PLB1: variants seen among roughly 807,000 people sequenced by gnomAD.
PLB1 encodes the protein phospholipase B1.
A neutral mutation model predicts 227.4 loss-of-function variants in PLB1; 242 were observed. The observed-to-expected ratio is 1.06, with a 90% CI of 0.96 to 1.18. The LOEUF is 1.18. Ranked by LOEUF, PLB1 falls within the 50% of genes most tolerant of loss-of-function variation. The pLI, the probability that PLB1 is intolerant of heterozygous loss-of-function variation, is 0.00. For synonymous variants in PLB1, 757 were observed against 682.2 expected, an observed-to-expected ratio of 1.11 and a Z score of -1.71; for missense variants, 1,858 against 1,816.3, an observed-to-expected ratio of 1.02 and a Z score of -0.42.
At chr2:28,591,018 G>A in intron 29 of PLB1, 115 bp from the exon 30 acceptor site, 2 of 1,331,724 alleles carry the variant, frequency 1.5e-6, no homozygotes, top group South Asian at 1.2e-5. Flanking sequence ...GCTGGGCTTG[G>A]GACACAGGGC....
rs144850480 is a variant in PLB1, at chr2:28,592,719, C to A, written c.2247C>A (p.Thr749=). The A allele has an allele frequency of 5.0e-6, 8 of 1,613,904 alleles. No homozygotes were observed. The highest frequency in any genetic ancestry group is 6.8e-6 in the Non-Finnish European group (8 of 1,179,896). ...TGGCTGCTCTGGGGGATTCTCTGAC[C>A]GTAAGGACTCTTGGGCCCCAGGTGG... ...QVVAALGDSL[T]AGNGIGSKPD... is the part of the protein sequence containing the mutation. The change falls in exon 32 of 58, where the codon ACC becomes ACA. Residue 749 remains threonine (T), a splice_region_variant and synonymous_variant. Coordinates refer to ENST00000327757, the MANE Select transcript of PLB1 (RefSeq NM_153021.5).
At chr2:28,581,794 T>C (rs1025547290) in intron 23 of PLB1, among the ~76,000 whole-genome samples, 4 of 151,882 alleles carry the variant, frequency 2.6e-5, no homozygotes, top group Non-Finnish European at 4.4e-5. Flanking sequence ...ACCCCATCTC[T>C]ACCAAAAAAT....
At chr2:28,559,491 C>A (rs974343517) in intron 17 of PLB1, among the ~76,000 whole-genome samples, 1 of 152,184 alleles carries the variant, frequency 6.6e-6, no homozygotes, top group East Asian at 1.9e-4. Flanking sequence ...GAGAGCAAAT[C>A]CTCATTGGGA....
chr2:28,641,027 G>A, intron 57 of PLB1, 26 bp downstream of exon 57: 4 of 1,606,700 alleles, frequency 2.5e-6, no homozygotes, highest in African/African-American at 1.3e-5. Flanking sequence ...GCCTGCCCCA[G>A]GTGGAACAGA....
chr2:28,537,894 C>T (rs1671918477), intron 9 of PLB1, among the ~76,000 whole-genome samples: 1 of 152,096 alleles, frequency 6.6e-6, no homozygotes, highest in East Asian at 1.9e-4. Context: ...TTCCGAGGCC[C>T]ATCTGGGGCC....
chr2:28,620,407 C>A, intron 47 of PLB1, 75 bp downstream of exon 47: 1 of 1,434,068 alleles, frequency 7.0e-7, no homozygotes, highest in Non-Finnish European at 9.5e-7. Context: ...TTCCTGTCAC[C>A]CCTCCAGGGA....
rs1164033011 is a variant in PLB1 at position 28,516,799 on chromosome 2, T to C, written c.56-9T>C. The C allele has an allele frequency of 1.9e-6, 3 of 1,611,610 alleles. No individual in the cohort carries two copies. Among genetic ancestry groups the C allele is most frequent in the Non-Finnish European group, 2.5e-6 (3 of 1,177,980 alleles). On this transcript the variant is annotated splice_polypyrimidine_tract_variant and intron_variant, in intron 1 of 57. Coordinates refer to ENST00000327757, the MANE Select transcript of PLB1 (RefSeq NM_153021.5). ...CTAAATAACTTGAACTATTTCTGCT[T>C]TCTTTCAGGGACCCCTCAGATCCAT...
In PLB1 at chr2:28,606,052, C is replaced by G. The variant is rs1573382494; in HGVS notation, c.3057+104C>G. ...GCAAGTGAGGCTGAGGGGGCAGTGGCTGGTACATCTATAAACGTCTATGCA... is the reference window on the plus strand; with the variant it reads ...GCAAGTGAGGCTGAGGGGGCAGTGGGTGGTACATCTATAAACGTCTATGCA... On this transcript the variant is annotated intron_variant, in intron 42 of 57. Coordinates refer to ENST00000327757, the MANE Select transcript of PLB1 (RefSeq NM_153021.5). The G allele has an allele frequency of 4.5e-6, 4 of 884,050 alleles. No individual in the cohort carries two copies. In the East Asian group the frequency reaches 9.7e-5, roughly 21 times the overall value. 54.8% of individuals were successfully genotyped at this position (884,050 alleles called of 1,614,324 possible).
At chr2:28,513,269 TAGGG>T (rs903960401) in intron 1 of PLB1, among the ~76,000 whole-genome samples, 5 of 152,214 alleles carry the variant, frequency 3.3e-5, no homozygotes, top group Non-Finnish European at 7.3e-5. Flanking sequence ...GGCAGGCAGT[TAGGG>T]AGGAACAGAT....
At chr2:28,563,362 C>G (rs1161659403) in intron 18 of PLB1, among the ~76,000 whole-genome samples, 1 of 152,032 alleles carries the variant, frequency 6.6e-6, no homozygotes, top group Non-Finnish European at 1.5e-5. Context: ...TGGAGGGACC[C>G]CAGAGGGAGT....
chr2:28,520,450 G>T (rs375188455), intron 4 of PLB1, among the ~76,000 whole-genome samples: 1 of 151,900 alleles, frequency 6.6e-6, no homozygotes, highest in Non-Finnish European at 1.5e-5. Context: ...TTTAAATTTT[G>T]TTTGCAATTG....
rs761409366 is a variant in PLB1, at chr2:28,629,197, G to C, written c.3818+12G>C. On this transcript the variant is annotated intron_variant, in intron 53 of 57. Transcript: ENST00000327757. Reference sequence around the variant, plus strand: ...ATGCTGGCAGCTCAGTAAGTGGACAGGTCACCGTCCCAAGGCAAGGGCACC... The same window carrying C: ...ATGCTGGCAGCTCAGTAAGTGGACACGTCACCGTCCCAAGGCAAGGGCACC... The C allele has an allele frequency of 6.2e-7, 1 of 1,612,154 alleles. No homozygotes were observed. The highest frequency in any genetic ancestry group is 8.5e-7 in the Non-Finnish European group (1 of 1,179,224).
rs1204461402 is a variant in PLB1, at chr2:28,548,568, A to G, written c.937-292A>G. 4 of 493,666 alleles carry G rather than the reference A, an allele frequency of 8.1e-6. No homozygotes were observed. The African/African-American group carries it at 8.7e-5, about 11-fold the overall frequency. The allele number at this position is 493,666 out of a possible 1,614,324, so 30.6% of individuals were successfully genotyped here. A position where few individuals can be genotyped will look rare whatever the true frequency, so the allele number is the denominator to read the frequency against. ...TGCAGCTTTTCCTTCTAGGAGAGGT[A>G]GACTAGGAAGTCCCTTCTATATATA... is the stretch of plus-strand genomic sequence containing the variant. On this transcript the variant is annotated intron_variant, in intron 14 of 57. Transcript: ENST00000327757.
chr2:28,560,617 G>A (rs1572976183), intron 17 of PLB1, among the ~76,000 whole-genome samples: 1 of 152,296 alleles, frequency 6.6e-6, no homozygotes, highest in East Asian at 1.9e-4. Flanking sequence ...CACAGCCTAG[G>A]TGACAGAGTG....
chr2:28,534,581 C>T (rs534661796), intron 9 of PLB1, among the ~76,000 whole-genome samples: 3 of 152,162 alleles, frequency 2.0e-5, no homozygotes, highest in African/African-American at 4.8e-5. Flanking sequence ...AAGAGCTGGG[C>T]GCGGTGGCTC....
chr2:28,511,464 C>G (rs1443281390), intron 1 of PLB1, among the ~76,000 whole-genome samples: 5 of 152,152 alleles, frequency 3.3e-5, no homozygotes, highest in Admixed American at 2.0e-4. Context: ...TTTATTCTTT[C>G]TGTACTTCAT....
chr2:28,599,334 T>C (rs958534181), intron 35 of PLB1, among the ~76,000 whole-genome samples: 10 of 152,184 alleles, frequency 6.6e-5, no homozygotes, highest in African/African-American at 2.2e-4. Flanking sequence ...GCAGCCTAGG[T>C]CTTCTTGCTC....
chr2:28,626,574 C>A, intron 51 of PLB1, 66 bp downstream of exon 51: 1 of 1,399,396 alleles, frequency 7.1e-7, no homozygotes, highest in Non-Finnish European at 1.0e-6. Flanking sequence ...AACATCCTTG[C>A]CCATCCATCC....
rs141173438 is a variant in PLB1, at chr2:28,601,469, C to CAACACACACACACACACACACACACA, written c.2607+137_2607+138insAACACACACACACACACACACACACA. ...ACCTATGTCTGCACATATACACATACCACACACACACACACACACACACAC... is the reference window on the plus strand; with the variant it reads ...ACCTATGTCTGCACATATACACATACAACACACACACACACACACACACACACACACACACACACACACACACACAC... On this transcript the variant is annotated intron_variant, in intron 37 of 57. Coordinates refer to ENST00000327757, the MANE Select transcript of PLB1 (RefSeq NM_153021.5). 1.8e-4 allele frequency: 106 copies of CAACACACACACACACACACACACACA among 600,266 alleles called. 1 individual carries two copies. In the African/African-American group the frequency reaches 1.8e-3, roughly 10 times the overall value. The allele number at this position is 600,266 out of a possible 1,614,324, so 37.2% of individuals were successfully genotyped here.
Sources: allele counts gnomAD v4.1 joint callset (sites outside exome capture counted in the v4.1 genomes callset), GRCh38; gene constraint gnomAD v4.1.1; transcripts MANE v1.5; gene names NCBI Gene and HGNC (gene_info 2026-07-23, HGNC 2026-07-21).